The following TEX261 variants were observed in gnomAD, a reference collection of about 807,000 sequenced individuals.
TEX261 encodes the protein protein TEX261.
TEX261 carries 13 observed loss-of-function variants against 25.1 expected under a neutral mutation model. The observed-to-expected ratio is 0.52, with a 90% CI of 0.34 to 0.82. TEX261 has a LOEUF of 0.82. Ranked by LOEUF, TEX261 falls within the 40% of genes least tolerant of loss-of-function variation. The probability of loss-of-function intolerance (pLI) is 0.02; values close to 1 mark genes in which losing one functional copy is unlikely to be tolerated. For synonymous variants in TEX261, 92 were observed against 97.8 expected (o/e 0.94, Z 0.35); for missense variants, 206 against 243.2 (o/e 0.85, Z 1.02).
intron 5 of TEX261, 75 bp from the exon 6 acceptor site, chr2:70,988,790 C>A: frequency 1.3e-6 from 2 of 1,507,116 alleles, no homozygotes; most frequent in Non-Finnish European, 1.8e-6. Context: ...GTGAACACGG[C>A]CCTCCCAACC....
In TEX261 at chr2:70,986,640, G is replaced by A. The variant is rs1446359210; in HGVS notation, c.*1960C>T. The A allele has an allele frequency of 2.6e-5, 4 of 152,550 alleles. No individual in the cohort carries two copies. The highest frequency in any genetic ancestry group is 4.8e-5 in the African/African-American group (2 of 41,398). The allele number at this position is 152,550 out of a possible 1,614,324, so 9.4% of individuals were successfully genotyped here. ...CTGTCTGGCTCCTGAGTGATCTCGG[G>A]GTCAAGGGAAGTACCCAGAAGGGGC... is the stretch of plus-strand genomic sequence containing the variant. On this transcript the variant is annotated 3_prime_UTR_variant, in exon 6 of 6. Transcript: ENST00000272438.
At position 70,991,837 on chromosome 2, in the gene TEX261, C is replaced by A. The variant is rs549644793; in HGVS notation, c.297G>T (p.Leu99=). 6.2e-7 allele frequency: 1 copy of A among 1,613,332 alleles called. No individual in the cohort carries two copies. Among genetic ancestry groups the A allele is most frequent in the African/African-American group, 1.3e-5 (1 of 75,002 alleles). Residue 99 remains leucine (L), a synonymous_variant, in exon 3 of 6, where the codon CTG becomes CTT. Transcript: ENST00000272438. Reference sequence around the variant, plus strand: ...AACTCTGTCCCCTCTCACCACACGACAGGATGAAGTTAGGCGAGGTCAGCA... The same window carrying A: ...AACTCTGTCCCCTCTCACCACACGAAAGGATGAAGTTAGGCGAGGTCAGCA... ...FIMLTSPNFI[L]SCGLVVVNHY... is the part of the protein sequence containing the mutation.
rs781981092 is a variant in TEX261, at chr2:70,989,833, G to C, written c.305-17C>G. The C allele has an allele frequency of 2.5e-6, 4 of 1,595,748 alleles. No homozygotes were observed. Among genetic ancestry groups the C allele is most frequent in the Non-Finnish European group, 3.4e-6 (4 of 1,163,368 alleles). ...CCACTAGTCCTGTTGAGGGAATGAA[G>C]AGTCAGTCAGTTTAAGGGGAATAAC... On this transcript the variant is annotated splice_polypyrimidine_tract_variant and intron_variant, in intron 3 of 5. Transcript: ENST00000272438.
At position 70,988,621 on chromosome 2, in the gene TEX261, G is replaced by A. The variant is rs782787957; in HGVS notation, c.570C>T (p.Pro190=). Residue 190 remains proline, a synonymous_variant, in exon 6 of 6, where the codon CCC becomes CCT. Coordinates refer to ENST00000272438, the MANE Select transcript of TEX261 (RefSeq NM_144582.3). Reference sequence around the variant, plus strand: ...GGGGTCAGTATATCTTCTGACGACTGGGTAGAATGGCCTCTTTGATGAAGG... The same window carrying A: ...GGGGTCAGTATATCTTCTGACGACTAGGTAGAATGGCCTCTTTGATGAAGG... ...VFSFIKEAIL[P]SRQKIY 9 of 1,614,050 alleles carry A rather than the reference G, an allele frequency of 5.6e-6. No individual in the cohort carries two copies. Among genetic ancestry groups the A allele is most frequent in the Admixed American group, 1.7e-5 (1 of 60,032 alleles).
chr2:70,988,706 A>G lies in TEX261; in HGVS notation c.485T>C (p.Val162Ala). 2 of 1,613,730 alleles carry G rather than the reference A, an allele frequency of 1.2e-6. No individual in the cohort carries two copies. Among genetic ancestry groups the G allele is most frequent in the South Asian group, 1.1e-5 (1 of 91,078 alleles). ...CTTGCCTTTGGTGAAATAATTGGAGACGACATCATCTGTGGAGATACAGGC... is the reference window on the plus strand; with the variant it reads ...CTTGCCTTTGGTGAAATAATTGGAGGCGACATCATCTGTGGAGATACAGGC... ...PSTMQPGDDV[V>A]SNYFTKGKRG... The change falls in exon 6 of 6, where the codon GTC (valine) becomes GCC (alanine). Residue 162 changes from valine (V) to alanine (A), a missense_variant. Transcript: ENST00000272438.
At position 70,987,117 on chromosome 2, in the gene TEX261, G is replaced by A. The variant is rs1333696930; in HGVS notation, c.*1483C>T. On this transcript the variant is annotated 3_prime_UTR_variant, in exon 6 of 6. Transcript: ENST00000272438. ...CAAGGTGAGGGACCAAGCAGCAGAGGGAGGAAAGTAGGGCCAGCTGTCAGC... is the reference window on the plus strand; with the variant it reads ...CAAGGTGAGGGACCAAGCAGCAGAGAGAGGAAAGTAGGGCCAGCTGTCAGC... The A allele has an allele frequency of 1.3e-5, 2 of 152,264 alleles. No homozygotes were observed. Among genetic ancestry groups the A allele is most frequent in the African/African-American group, 4.8e-5 (2 of 41,448 alleles). The allele number at this position is 152,264 out of a possible 1,614,324, so 9.4% of individuals were successfully genotyped here.
At chr2:70,990,987 C>T in intron 3 of TEX261, among the ~76,000 whole-genome samples, 1 of 152,306 alleles carries the variant, frequency 6.6e-6, no homozygotes, top group South Asian at 2.1e-4. Context: ...ATTCACCCTC[C>T]AGGCTCTCTC....
chr2:70,994,810 G>C lies in TEX261; in HGVS notation c.-53C>G, dbSNP rs1264245438. ...CACCGGGACGGGCCTGCGCGCTTCG[G>C]CTCCGGCGACACACAGCCGCCACCG... On this transcript the variant is annotated 5_prime_UTR_variant, in exon 1 of 6. Transcript: ENST00000272438. 4 of 1,431,032 alleles carry C rather than the reference G, an allele frequency of 2.8e-6. No individual in the cohort carries two copies. Among genetic ancestry groups the C allele is most frequent in the East Asian group, 6.0e-5 (2 of 33,394 alleles). 88.6% of individuals were successfully genotyped at this position (1,431,032 alleles called of 1,614,324 possible). A position where few individuals can be genotyped will look rare whatever the true frequency, so the allele number is the denominator to read the frequency against.
intron 2 of TEX261, among the ~76,000 whole-genome samples, chr2:70,992,887 TAC>T (rs1443836103): frequency 3.3e-5 from 5 of 152,216 alleles, no homozygotes; most frequent in Non-Finnish European, 5.9e-5. Flanking sequence ...GAATCATGCC[TAC>T]AGTTTGAAAA....
In TEX261 at chr2:70,989,009, G is replaced by A; in HGVS notation, c.381C>T (p.Ala127=). Residue 127 remains alanine, a synonymous_variant, in exon 5 of 6, where the codon GCC becomes GCT. Coordinates refer to ENST00000272438, the MANE Select transcript of TEX261 (RefSeq NM_144582.3). ...TTATCCACAGGCAGAAAGTGAAATA[G>A]GCCAGGACCTGGCAACAAGAGAGAC... The part of the protein sequence containing the change: ...EEYYPFSEVL[A]YFTFCLWIIP... 7 of 1,613,370 alleles carry A rather than the reference G, an allele frequency of 4.3e-6. No homozygotes were observed. The highest frequency in any genetic ancestry group is 5.9e-6 in the Non-Finnish European group (7 of 1,179,678).
chr2:70,987,106 A>C lies in TEX261; in HGVS notation c.*1494T>G, dbSNP rs576569599. ...AGCCACATCATCAAGGTGAGGGACC[A>C]AGCAGCAGAGGGAGGAAAGTAGGGC... On this transcript the variant is annotated 3_prime_UTR_variant, in exon 6 of 6. Coordinates refer to ENST00000272438, the MANE Select transcript of TEX261 (RefSeq NM_144582.3). The C allele has an allele frequency of 6.6e-6, 1 of 152,446 alleles. No homozygotes were observed. Among genetic ancestry groups the C allele is most frequent in the African/African-American group, 2.4e-5 (1 of 41,552 alleles). The allele number at this position is 152,446 out of a possible 1,614,324, so 9.4% of individuals were successfully genotyped here.
intron 3 of TEX261, among the ~76,000 whole-genome samples, chr2:70,991,611 C>T (rs1670299668): frequency 6.6e-6 from 1 of 152,192 alleles, no homozygotes; most frequent in South Asian, 2.1e-4. Context: ...TCTGGGAAAG[C>T]CCTCCCTGTC....
intron 1 of TEX261, among the ~76,000 whole-genome samples, chr2:70,994,121 G>A (rs1216326053): frequency 1.3e-5 from 2 of 152,224 alleles, no homozygotes; most frequent in South Asian, 2.1e-4. Flanking sequence ...GACAGACAAG[G>A]GTCCTTCCCT....
At chr2:70,993,262 G>A (rs1250029781) in intron 2 of TEX261, among the ~76,000 whole-genome samples, 3 of 152,248 alleles carry the variant, frequency 2.0e-5, no homozygotes, top group African/African-American at 4.8e-5. Context: ...CGAGGGCAGC[G>A]AAGCTGTGCC....
Position 70,989,824 on chromosome 2 carries a change from G to A in TEX261, c.305-8C>T, listed in dbSNP as rs374342218. ...GATTCACCACCACTAGTCCTGTTGAGGGAATGAAGAGTCAGTCAGTTTAAG... is the reference window on the plus strand; with the variant it reads ...GATTCACCACCACTAGTCCTGTTGAAGGAATGAAGAGTCAGTCAGTTTAAG... On this transcript the variant is annotated splice_region_variant and splice_polypyrimidine_tract_variant and intron_variant, in intron 3 of 5. Transcript: ENST00000272438. 2.1e-4 allele frequency: 339 copies of A among 1,606,768 alleles called. No individual in the cohort carries two copies. The highest frequency in any genetic ancestry group is 2.6e-4 in the Non-Finnish European group (308 of 1,173,516).
chr2:70,993,667 G>A (rs1670347906), intron 2 of TEX261, 29 bp downstream of exon 2: 2 of 1,586,036 alleles, frequency 1.3e-6, no homozygotes, highest in Non-Finnish European at 8.7e-7. Context: ...AAAGAGTGAG[G>A]AGGACTCCTG....
intron 3 of TEX261, among the ~76,000 whole-genome samples, chr2:70,990,429 G>GAC (rs60269609): frequency 0.049 from 7,378 of 150,846 alleles, 491 homozygotes; most frequent in African/African-American, 0.16. Context: ...ATACGTTCTG[G>GAC]ACACACACAC....
chr2:70,987,878 G>A lies in TEX261; in HGVS notation c.*722C>T, dbSNP rs1423335674. On this transcript the variant is annotated 3_prime_UTR_variant, in exon 6 of 6. Coordinates refer to ENST00000272438, the MANE Select transcript of TEX261 (RefSeq NM_144582.3). ...AGTTTGACAGTCACGGAGCCTTGGGGAAAGAGATGGAAGAGAGTGCATCAG... is the reference window on the plus strand; with the variant it reads ...AGTTTGACAGTCACGGAGCCTTGGGAAAAGAGATGGAAGAGAGTGCATCAG... 1 of 152,370 alleles carries A rather than the reference G, an allele frequency of 6.6e-6. No individual in the cohort carries two copies. The highest frequency in any genetic ancestry group is 1.9e-4 in the East Asian group (1 of 5,192). 9.4% of individuals were successfully genotyped at this position (152,370 alleles called of 1,614,324 possible).
intron 4 of TEX261, 58 bp from the exon 5 acceptor site, chr2:70,989,075 T>C (rs557161131): frequency 6.9e-7 from 1 of 1,447,042 alleles, no homozygotes; most frequent in African/African-American, 1.4e-5. Flanking sequence ...GTGGGCTGGG[T>C]GTGGTGACTG....
Sources: gnomAD v4.1 joint callset for allele counts (sites outside exome capture counted in the v4.1 genomes callset) on GRCh38, gnomAD v4.1.1 for gene constraint, MANE v1.5 for transcripts, NCBI Gene and HGNC (gene_info 2026-07-23, HGNC 2026-07-21) for gene names.